The following NAALADL2 variants were observed in gnomAD, a reference collection of about 807,000 sequenced individuals.
NAALADL2 encodes the protein N-acetylated alpha-linked acidic dipeptidase like 2.
A neutral mutation model predicts 87.2 loss-of-function variants in NAALADL2; 76 were observed. The ratio of observed to expected loss-of-function variants is 0.87; its 90% CI spans 0.72 to 1.05. NAALADL2 has a LOEUF of 1.05. NAALADL2 is among the 50% of genes least tolerant of loss of function. The pLI is 0.00. For missense variants in NAALADL2, 1,089 were observed against 945.8 expected, an observed-to-expected ratio of 1.15 and a Z score of -1.99; for synonymous variants, 354 against 331.0, an observed-to-expected ratio of 1.07 and a Z score of -0.75.
At chr3:175,467,670 A>G (rs1052061231) in intron 8 of NAALADL2, among the ~76,000 whole-genome samples, 2 of 151,326 alleles carry the variant, frequency 1.3e-5, no homozygotes, top group African/African-American at 2.4e-5. Flanking sequence ...TCCTTTTACC[A>G]CTCCACTCTT....
intron 10 of NAALADL2, among the ~76,000 whole-genome samples, chr3:175,608,531 A>G (rs977038559): frequency 3.3e-5 from 5 of 151,886 alleles, no homozygotes; most frequent in Non-Finnish European, 7.4e-5. Context: ...TCTTCTTTTT[A>G]TCCTCTCTCC....
chr3:174,537,822 A>G (rs1721867410), intron 1 of NAALADL2, among the ~76,000 whole-genome samples: 1 of 152,180 alleles, frequency 6.6e-6, no homozygotes, highest in Admixed American at 6.5e-5. Context: ...TTCATATAAT[A>G]TTGTACAAAG....
intron 1 of NAALADL2, among the ~76,000 whole-genome samples, chr3:174,988,151 T>G (rs996072757): frequency 2.6e-5 from 4 of 152,166 alleles, no homozygotes; most frequent in African/African-American, 9.7e-5. Flanking sequence ...AATTGAGTTC[T>G]GCTCATGAAT....
rs371220046 is a variant in NAALADL2 at position 174,600,280 on chromosome 3, G to A, written c.-115+49643G>A. On this transcript the variant is annotated intron_variant, in intron 2 of 3. Coordinates refer to the NAALADL2 transcript ENST00000434257. Reference sequence around the variant, plus strand: ...TTTCAACCTTTAGCACGGGGATTAAGTACATTGTTGGTAGTATATGAGGAA... The same window carrying A: ...TTTCAACCTTTAGCACGGGGATTAAATACATTGTTGGTAGTATATGAGGAA... Among the ~76,000 whole-genome samples the A allele has an allele frequency of 1.2e-4, 19 of 152,136 alleles. No homozygotes were observed. The South Asian group carries it at 2.7e-3, about 22-fold the overall frequency.
chr3:175,470,555 T>A (rs1582024829), intron 8 of NAALADL2, among the ~76,000 whole-genome samples: 1 of 152,164 alleles, frequency 6.6e-6, no homozygotes, highest in East Asian at 1.9e-4. Context: ...TATGAGTCCT[T>A]GTAGTCTTCC....
chr3:175,453,813 A>G (rs1423001557), intron 6 of NAALADL2, among the ~76,000 whole-genome samples: 10 of 152,064 alleles, frequency 6.6e-5, no homozygotes, highest in Non-Finnish European at 1.5e-5. Context: ...TCTGTATATT[A>G]TTCATGTTAA....
chr3:175,738,114 T>A (rs775658897), intron 12 of NAALADL2, among the ~76,000 whole-genome samples: 1 of 152,194 alleles, frequency 6.6e-6, no homozygotes, highest in African/African-American at 2.4e-5. Flanking sequence ...TAACAGATCT[T>A]TAATGAGTCA....
chr3:174,865,165 T>C (rs1316497371), intron 1 of NAALADL2, among the ~76,000 whole-genome samples: 4 of 152,000 alleles, frequency 2.6e-5, no homozygotes, highest in Admixed American at 2.6e-4. Flanking sequence ...CTGATTAGTG[T>C]AATGCAGGTT....
At chr3:175,797,762 G>T (rs1753680780) in intron 13 of NAALADL2, among the ~76,000 whole-genome samples, 1 of 151,954 alleles carries the variant, frequency 6.6e-6, no homozygotes, top group Non-Finnish European at 1.5e-5. Context: ...CATTACATGG[G>T]AATTCAAAGA....
intron 1 of NAALADL2, among the ~76,000 whole-genome samples, chr3:174,993,397 A>G (rs1202578540): frequency 2.0e-5 from 3 of 152,250 alleles, no homozygotes; most frequent in African/African-American, 2.4e-5. Flanking sequence ...AACCAGATTG[A>G]GTACCTGTAC....
At chr3:175,678,091 T>G (rs1382673292) in intron 11 of NAALADL2, among the ~76,000 whole-genome samples, 1 of 152,202 alleles carries the variant, frequency 6.6e-6, no homozygotes, top group Non-Finnish European at 1.5e-5. Flanking sequence ...TAGTTTCAAT[T>G]AAGGTGTATG....
intron 9 of NAALADL2, among the ~76,000 whole-genome samples, chr3:175,506,315 A>G (rs1730302772): frequency 6.6e-6 from 1 of 152,222 alleles, no homozygotes; most frequent in Non-Finnish European, 1.5e-5. Flanking sequence ...GTTTAGTTTC[A>G]TTGCTGCAGA....
intron 1 of NAALADL2, among the ~76,000 whole-genome samples, chr3:174,930,613 A>ATTTTTTTTTTT (rs1188907600): frequency 4.0e-5 from 4 of 99,776 alleles, no homozygotes; most frequent in African/African-American, 1.8e-4. Flanking sequence ...AATAAGATGA[A>ATTTTTTTTTTT]CTTTTTTTTT....
intron 3 of NAALADL2, among the ~76,000 whole-genome samples, chr3:174,832,079 T>G (rs1369189579): frequency 2.0e-5 from 3 of 152,180 alleles, no homozygotes; most frequent in Admixed American, 1.3e-4. Flanking sequence ...TCATTAATTT[T>G]TTGAAGGGTT....
intron 11 of NAALADL2, among the ~76,000 whole-genome samples, chr3:175,725,647 G>A (rs1467155941): frequency 3.3e-5 from 5 of 152,016 alleles, no homozygotes; most frequent in Non-Finnish European, 5.9e-5. Flanking sequence ...AAATTTCAAA[G>A]GTGCTAATTA....
At chr3:174,456,742 G>A (rs1170976036) in intron 1 of NAALADL2, among the ~76,000 whole-genome samples, 1 of 152,046 alleles carries the variant, frequency 6.6e-6, no homozygotes, top group Non-Finnish European at 1.5e-5. Context: ...AGACTTAAAT[G>A]TAAAACCCAA....
At chr3:175,170,848 A>G (rs537004404) in intron 2 of NAALADL2, among the ~76,000 whole-genome samples, 16 of 151,964 alleles carry the variant, frequency 1.1e-4, no homozygotes, top group African/African-American at 3.6e-4. Flanking sequence ...AATAAAGGCT[A>G]AAAGGATACA....
At chr3:175,017,846 CT>C (rs142186924) in intron 1 of NAALADL2, among the ~76,000 whole-genome samples, 9 of 152,146 alleles carry the variant, frequency 5.9e-5, no homozygotes, top group African/African-American at 2.2e-4. Context: ...TGGCCAGTCC[CT>C]TCTGTCTTCT....
intron 4 of NAALADL2, among the ~76,000 whole-genome samples, chr3:175,259,106 G>A (rs2862005): frequency 0.046 from 6,959 of 152,190 alleles, 297 homozygotes; most frequent in African/African-American, 0.11. Context: ...AGATCCAAAG[G>A]CAGCTTTAAA....
Sources: allele counts gnomAD v4.1 joint callset (sites outside exome capture counted in the v4.1 genomes callset), GRCh38; gene constraint gnomAD v4.1.1; transcripts MANE v1.5; gene names NCBI Gene and HGNC (gene_info 2026-07-23, HGNC 2026-07-21).